The following NIBAN1 variants were observed in gnomAD, a reference collection of about 807,000 sequenced individuals.
The protein encoded by NIBAN1 is niban apoptosis regulator 1, also known as protein Niban 1.
Under a neutral mutation model 75.1 loss-of-function variants are expected in NIBAN1, and 81 were observed. That is an observed-to-expected ratio of 1.08 (90% CI 0.90 to 1.30). The LOEUF (loss-of-function observed/expected upper bound fraction) is 1.30. Ranked by LOEUF, NIBAN1 falls within the 50% of genes most tolerant of loss-of-function variation. The pLI is 0.00. For synonymous variants in NIBAN1, 436 were observed against 424.8 expected (o/e 1.03, Z -0.32); for missense variants, 1,133 against 1,128.1 (o/e 1.00, Z -0.06).
At chr1:184,948,540 T>C (rs1185006219) in intron 1 of NIBAN1, among the ~76,000 whole-genome samples, 1 of 152,180 alleles carries the variant, frequency 6.6e-6, no homozygotes, top group Non-Finnish European at 1.5e-5. Context: ...AAGAAAGTGA[T>C]CAGAGATTCA....
intron 5 of NIBAN1, among the ~76,000 whole-genome samples, chr1:184,855,368 C>G (rs1179084677): frequency 1.3e-5 from 2 of 152,146 alleles, no homozygotes; most frequent in Non-Finnish European, 2.9e-5. Flanking sequence ...AAATCACTAT[C>G]GTGTCTTCCC....
intron 6 of NIBAN1, 37 bp downstream of exon 6, chr1:184,831,810 A>G: frequency 4.7e-6 from 7 of 1,483,380 alleles, no homozygotes; most frequent in Non-Finnish European, 6.6e-6. Context: ...AAATACCCAA[A>G]CACAGAGAGA....
intron 5 of NIBAN1, among the ~76,000 whole-genome samples, chr1:184,856,146 A>C (rs1655670919): frequency 6.6e-6 from 1 of 152,188 alleles, no homozygotes; most frequent in African/African-American, 2.4e-5. Flanking sequence ...ATGTTCAATC[A>C]TGTTCACCCA....
intron 1 of NIBAN1, among the ~76,000 whole-genome samples, chr1:184,912,938 C>G (rs908312429): frequency 6.6e-6 from 1 of 152,040 alleles, no homozygotes; most frequent in African/African-American, 2.4e-5. Flanking sequence ...TGGCCCCAGG[C>G]CTACTGAATC....
chr1:184,938,354 G>C (rs1441853013), intron 1 of NIBAN1, among the ~76,000 whole-genome samples: 2 of 151,954 alleles, frequency 1.3e-5, no homozygotes, highest in Non-Finnish European at 2.9e-5. Flanking sequence ...TAATGGAGAG[G>C]GAAGAGATAA....
chr1:184,828,021 C>A (rs117848570), intron 6 of NIBAN1, among the ~76,000 whole-genome samples: 2 of 150,130 alleles, frequency 1.3e-5, no homozygotes, highest in Non-Finnish European at 3.0e-5. Context: ...GTTCTCTAGC[C>A]CATCTTGGTA....
intron 6 of NIBAN1, among the ~76,000 whole-genome samples, chr1:184,831,225 T>G (rs1343874496): frequency 6.6e-6 from 1 of 152,174 alleles, no homozygotes; most frequent in Non-Finnish European, 1.5e-5. Flanking sequence ...GGAATTATAA[T>G]GTACCACAGG....
chr1:184,827,560 G>GTTTTTATTT (rs1553217800), intron 6 of NIBAN1, among the ~76,000 whole-genome samples: 1 of 117,682 alleles, frequency 8.5e-6, no homozygotes, highest in Non-Finnish European at 1.6e-5. Context: ...AAATACTTCA[G>GTTTTTATTT]TTTTTTTTTT....
intron 3 of NIBAN1, among the ~76,000 whole-genome samples, chr1:184,893,318 C>T (rs557934108): frequency 5.9e-5 from 9 of 152,198 alleles, no homozygotes; most frequent in African/African-American, 2.2e-4. Context: ...CACAACTTGA[C>T]CTAACCTTTA....
At chr1:184,956,598 T>C (rs2102071317) in intron 1 of NIBAN1, among the ~76,000 whole-genome samples, 1 of 152,306 alleles carries the variant, frequency 6.6e-6, no homozygotes, top group Non-Finnish European at 1.5e-5. Flanking sequence ...AAACCCTCCA[T>C]GAGACCTTGT....
At chr1:184,855,658 A>C (rs1355909700) in intron 5 of NIBAN1, among the ~76,000 whole-genome samples, 1 of 152,170 alleles carries the variant, frequency 6.6e-6, no homozygotes, top group African/African-American at 2.4e-5. Context: ...ACATTCTGTC[A>C]TGCTACATAA....
chr1:184,844,373 T>G (rs890436443), intron 5 of NIBAN1, among the ~76,000 whole-genome samples: 6 of 152,240 alleles, frequency 3.9e-5, no homozygotes, highest in African/African-American at 1.4e-4. Flanking sequence ...TGTCTGATGA[T>G]GCTATCTGGG....
chr1:184,907,663 A>C (rs1437111328), intron 1 of NIBAN1, among the ~76,000 whole-genome samples: 1 of 152,242 alleles, frequency 6.6e-6, no homozygotes, highest in African/African-American at 2.4e-5. Context: ...AATTACACAG[A>C]ATAATGCCCA....
chr1:184,884,723 A>G lies in NIBAN1; in HGVS notation c.511T>C (p.Phe171Leu), dbSNP rs112268696. Residue 171 changes from phenylalanine to leucine, a missense_variant, in exon 5 of 14, where the codon TTC becomes CTC. By Grantham distance (22) the Phe-to-Leu change is conservative. Coordinates refer to ENST00000367511, the MANE Select transcript of NIBAN1 (RefSeq NM_052966.4). ...EFPVYLWQPF[F>L]RHGYFCFHEA... ...TGGAAGCAGAAGTAGCCGTGTCTGA[A>G]GAAGGGCTGCCACAGGTACACTGGG... 2.0e-3 allele frequency: 3,272 copies of G among 1,614,206 alleles called. 59 individuals are homozygous for G. In the African/African-American group the frequency reaches 0.038, roughly 19 times the overall value.
intron 5 of NIBAN1, among the ~76,000 whole-genome samples, chr1:184,881,101 G>GCACACACA (rs375874645): frequency 1.4e-5 from 2 of 147,308 alleles, no homozygotes; most frequent in South Asian, 2.2e-4. Flanking sequence ...ATGTGAGCAT[G>GCACACACA]CACACACACA....
At chr1:184,814,783 A>G (rs1016691364) in intron 9 of NIBAN1, among the ~76,000 whole-genome samples, 2 of 152,246 alleles carry the variant, frequency 1.3e-5, no homozygotes, top group Non-Finnish European at 2.9e-5. Flanking sequence ...CCATGGTCTA[A>G]GTCAAATTAC....
chr1:184,880,811 C>G (rs1311756453), intron 5 of NIBAN1, among the ~76,000 whole-genome samples: 3 of 152,198 alleles, frequency 2.0e-5, no homozygotes, highest in African/African-American at 7.2e-5. Flanking sequence ...ACAGGACTGT[C>G]TCAGAACATC....
At chr1:184,806,904 ACT>A (rs1654214417) in intron 10 of NIBAN1, among the ~76,000 whole-genome samples, 1 of 151,346 alleles carries the variant, frequency 6.6e-6, no homozygotes, top group Non-Finnish European at 1.5e-5. Context: ...AGTAGCTGGG[ACT>A]ACAGGTGTGC....
intron 5 of NIBAN1, among the ~76,000 whole-genome samples, chr1:184,842,877 T>C (rs1655332363): frequency 6.6e-6 from 1 of 151,800 alleles, no homozygotes; most frequent in Non-Finnish European, 1.5e-5. Flanking sequence ...GTAATTCTGT[T>C]GCAGTTGATT....
Sources: gnomAD v4.1 joint callset for allele counts (sites outside exome capture counted in the v4.1 genomes callset) on GRCh38, gnomAD v4.1.1 for gene constraint, MANE v1.5 for transcripts, NCBI Gene and HGNC (gene_info 2026-07-23, HGNC 2026-07-21) for gene names.